SEMA5B: variants seen among roughly 807,000 people sequenced by gnomAD.
SEMA5B encodes semaphorin 5B.
A neutral mutation model predicts 135.0 loss-of-function variants in SEMA5B; 66 were observed. The observed-to-expected ratio is 0.49, with a 90% CI of 0.40 to 0.60. The LOEUF is 0.60. SEMA5B is among the 20% of genes least tolerant of loss of function. SEMA5B has a pLI of 0.00. For missense variants in SEMA5B, 1,501 were observed against 1,566.3 expected (o/e 0.96, Z 0.70); for synonymous variants, 690 against 639.5 (o/e 1.08, Z -1.19).
At chr3:122,940,721 C>T (rs1176179477) in intron 4 of SEMA5B, among the ~76,000 whole-genome samples, 1 of 152,128 alleles carries the variant, frequency 6.6e-6, no homozygotes, top group Non-Finnish European at 1.5e-5. Flanking sequence ...AGGCCCAGGC[C>T]CCACTCATCT....
At position 122,911,917 on chromosome 3, in the gene SEMA5B, T is replaced by A. The variant is rs1459978511; in HGVS notation, c.3046+3A>T. ...CTGCGCAGGTGCTGGCAGGGGTACCTACCGGGAATCTCGCTGTAGGGGCAG... is the reference window on the plus strand; with the variant it reads ...CTGCGCAGGTGCTGGCAGGGGTACCAACCGGGAATCTCGCTGTAGGGGCAG... On this transcript the variant is annotated splice_donor_region_variant and intron_variant, in intron 20 of 22. Transcript: ENST00000357599. 3 of 1,594,098 alleles carry A rather than the reference T, an allele frequency of 1.9e-6. No individual in the cohort carries two copies. Among genetic ancestry groups the A allele is most frequent in the Admixed American group, 3.4e-5 (2 of 58,474 alleles).
At chr3:122,941,077 G>A (rs1490488441) in intron 4 of SEMA5B, among the ~76,000 whole-genome samples, 3 of 152,092 alleles carry the variant, frequency 2.0e-5, no homozygotes, top group Non-Finnish European at 2.9e-5. Context: ...AATCCCTTTC[G>A]GAACAAGGGA....
intron 5 of SEMA5B, among the ~76,000 whole-genome samples, chr3:122,933,424 TA>T (rs760868090): frequency 9.2e-5 from 14 of 152,214 alleles, no homozygotes; most frequent in Non-Finnish European, 1.9e-4. Flanking sequence ...CCAGCATTGC[TA>T]TTGAGGACTC....
chr3:122,980,652 T>G (rs962521776), intron 1 of SEMA5B, among the ~76,000 whole-genome samples: 1 of 152,310 alleles, frequency 6.6e-6, no homozygotes, highest in Middle Eastern at 3.4e-3. Flanking sequence ...ATTTTTATTG[T>G]GGTGAAGTAT....
intron 20 of SEMA5B, 121 bp downstream of exon 20, chr3:122,911,799 C>A (rs540772530): frequency 5.0e-5 from 64 of 1,288,096 alleles, no homozygotes; most frequent in Non-Finnish European, 6.6e-5. Flanking sequence ...TCCTTCCCCC[C>A]ACTTCCATGT....
chr3:122,959,895 T>C (rs1404850646), intron 2 of SEMA5B, among the ~76,000 whole-genome samples: 1 of 152,200 alleles, frequency 6.6e-6, no homozygotes, highest in Non-Finnish European at 1.5e-5. Context: ...GTTTTATTGT[T>C]TTTGCAAGGA....
intron 10 of SEMA5B, among the ~76,000 whole-genome samples, chr3:122,922,894 C>T (rs1938438865): frequency 8.2e-6 from 1 of 122,178 alleles, no homozygotes; most frequent in South Asian, 2.8e-4. Flanking sequence ...GCATCTCCTA[C>T]ATTCCAGGCA....
intron 6 of SEMA5B, 38 bp downstream of exon 6, chr3:122,928,958 G>A (rs759862549): frequency 6.9e-6 from 11 of 1,603,652 alleles, no homozygotes; most frequent in African/African-American, 1.3e-5. Context: ...CCTCCTTCCA[G>A]CTCCAGGTGG....
At chr3:122,916,193 T>C (rs1468349799) in intron 12 of SEMA5B, among the ~76,000 whole-genome samples, 1 of 152,182 alleles carries the variant, frequency 6.6e-6, no homozygotes, top group African/African-American at 2.4e-5. Flanking sequence ...ACTGCACGTT[T>C]AAAAGAGACG....
intron 3 of SEMA5B, among the ~76,000 whole-genome samples, chr3:122,947,843 C>A (rs553406151): frequency 1.1e-4 from 16 of 151,026 alleles, no homozygotes; most frequent in Admixed American, 8.5e-4. Flanking sequence ...ACAACCATGA[C>A]CCCCCCCAAA....
intron 12 of SEMA5B, among the ~76,000 whole-genome samples, chr3:122,920,099 G>T (rs1281635536): frequency 6.6e-6 from 1 of 152,200 alleles, no homozygotes; most frequent in East Asian, 1.9e-4. Flanking sequence ...ACCACTGTCT[G>T]ATTGATCTTT....
intron 1 of SEMA5B, among the ~76,000 whole-genome samples, chr3:122,966,857 C>CTATTATTATTAT (rs1553778809): frequency 1.1e-5 from 1 of 88,200 alleles, no homozygotes; most frequent in African/African-American, 7.2e-5. Context: ...CACACCCGGC[C>CTATTATTATTAT]TATTACTATT....
At chr3:123,004,882 T>C (rs1328822597) in intron 1 of SEMA5B, among the ~76,000 whole-genome samples, 1 of 152,196 alleles carries the variant, frequency 6.6e-6, no homozygotes, top group Admixed American at 6.5e-5. Flanking sequence ...CTCAGTCTTT[T>C]CTTAAAGTTC....
chr3:122,966,700 C>A (rs9839055), intron 1 of SEMA5B, among the ~76,000 whole-genome samples: 71 of 149,244 alleles, frequency 4.8e-4, no homozygotes, highest in African/African-American at 1.2e-3. Context: ...GACTACAGGC[C>A]CCCGCCACCG....
At chr3:122,911,680 C>G in intron 20 of SEMA5B, 145 bp from the exon 21 acceptor site, 1 of 995,366 alleles carries the variant, frequency 1.0e-6, no homozygotes, top group South Asian at 1.7e-5. Flanking sequence ...TCCCCTCCCT[C>G]TCTCCTCAGA....
At chr3:123,022,322 T>C (rs1942702519) in intron 1 of SEMA5B, among the ~76,000 whole-genome samples, 2 of 152,208 alleles carry the variant, frequency 1.3e-5, no homozygotes, top group Non-Finnish European at 2.9e-5. Flanking sequence ...CCAGGACATT[T>C]CTGGTTCAAA....
chr3:122,968,047 C>G (rs2107634266), intron 1 of SEMA5B, among the ~76,000 whole-genome samples: 1 of 152,380 alleles, frequency 6.6e-6, no homozygotes, highest in African/African-American at 2.4e-5. Context: ...CTACCACCTT[C>G]TCTCCAGAAA....
At chr3:122,945,009 G>A (rs1467769706) in intron 3 of SEMA5B, among the ~76,000 whole-genome samples, 1 of 152,112 alleles carries the variant, frequency 6.6e-6, no homozygotes, top group Non-Finnish European at 1.5e-5. Flanking sequence ...GAGAGGCAGA[G>A]AGAGAGAGAG....
chr3:123,028,124 G>T (rs534419576), upstream of SEMA5B, among the ~76,000 whole-genome samples: 28 of 152,216 alleles, frequency 1.8e-4, 1 homozygote, highest in East Asian at 5.2e-3. Flanking sequence ...TGACATCCCC[G>T]AGGGCCATCG....
Sources: allele counts gnomAD v4.1 joint callset (sites outside exome capture counted in the v4.1 genomes callset), GRCh38; gene constraint gnomAD v4.1.1; transcripts MANE v1.5; gene names NCBI Gene and HGNC (gene_info 2026-07-23, HGNC 2026-07-21).